The following WIF1 variants were observed in gnomAD, a reference collection of about 807,000 sequenced individuals.
The protein encoded by WIF1 is Wnt inhibitory factor 1.
A neutral mutation model predicts 53.5 loss-of-function variants in WIF1; 35 were observed. The observed-to-expected ratio is 0.65, with a 90% CI of 0.50 to 0.87. The LOEUF (loss-of-function observed/expected upper bound fraction) is 0.87, where lower values mean the gene tolerates loss of function less well. Among genes scored for constraint, WIF1 ranks in the 40% least tolerant of loss-of-function variants. The probability of loss-of-function intolerance (pLI) is 0.00; values close to 1 mark genes in which losing one functional copy is unlikely to be tolerated. For missense variants in WIF1, 467 were observed against 476.8 expected (o/e 0.98, Z 0.19); for synonymous variants, 171 against 170.4 (o/e 1.00, Z -0.03).
At chr12:65,064,063 T>C (rs560516552) in intron 6 of WIF1, among the ~76,000 whole-genome samples, 1 of 152,308 alleles carries the variant, frequency 6.6e-6, no homozygotes, top group Admixed American at 6.5e-5. Flanking sequence ...CAGTTGTTTT[T>C]GTAAGTGTGT....
chr12:65,098,374 A>G (rs1400887613), intron 2 of WIF1, among the ~76,000 whole-genome samples: 1 of 152,124 alleles, frequency 6.6e-6, no homozygotes, highest in African/African-American at 2.4e-5. Context: ...ATCACAACAC[A>G]TACCACTTTA....
chr12:65,059,799 C>T (rs1882583519), intron 7 of WIF1, among the ~76,000 whole-genome samples: 1 of 152,020 alleles, frequency 6.6e-6, no homozygotes, highest in Non-Finnish European at 1.5e-5. Flanking sequence ...CTACAGGTGT[C>T]TGCCACCATG....
chr12:65,105,087 C>A (rs1276434681), intron 2 of WIF1, among the ~76,000 whole-genome samples: 1 of 151,926 alleles, frequency 6.6e-6, no homozygotes, highest in Non-Finnish European at 1.5e-5. Context: ...AAGGAGAGAA[C>A]CAAGACCAGG....
intron 2 of WIF1, among the ~76,000 whole-genome samples, chr12:65,102,350 T>G (rs901330381): frequency 5.3e-5 from 8 of 152,136 alleles, no homozygotes; most frequent in Non-Finnish European, 8.8e-5. Flanking sequence ...GGAAAGCCCA[T>G]GGTGTAGTTC....
At chr12:65,095,147 C>T (rs181325573) in intron 2 of WIF1, among the ~76,000 whole-genome samples, 1 of 150,962 alleles carries the variant, frequency 6.6e-6, no homozygotes, top group African/African-American at 2.4e-5. Context: ...ACTATGTTGC[C>T]CAAGCTGGTC....
At chr12:65,075,290 T>G (rs573017202) in intron 3 of WIF1, among the ~76,000 whole-genome samples, 12 of 152,244 alleles carry the variant, frequency 7.9e-5, no homozygotes, top group African/African-American at 2.9e-4. Context: ...TAGATAACCG[T>G]AATCTGAAAA....
chr12:65,061,636 G>A (rs1033619026), intron 7 of WIF1, among the ~76,000 whole-genome samples: 31 of 152,192 alleles, frequency 2.0e-4, no homozygotes, highest in Admixed American at 1.4e-3. Context: ...TATTGATTCC[G>A]AAAACAATGA....
In WIF1 at chr12:65,095,277, T is replaced by C. The variant is rs546152453; in HGVS notation, c.289-17423A>G. Among the ~76,000 whole-genome samples the C allele has an allele frequency of 6.6e-4, 100 of 152,038 alleles. 1 individual carries two copies. The highest frequency in any genetic ancestry group is 1.3e-4 in the Non-Finnish European group (9 of 68,002). ...TTTATTTTGGAACATATTTGAAAGT[T>C]GCCAAAGCCACTTCTGAGCAAATTT... is the stretch of plus-strand genomic sequence containing the variant. On this transcript the variant is annotated intron_variant, in intron 2 of 9. Transcript: ENST00000286574.
chr12:65,099,508 C>T (rs911890748), intron 2 of WIF1, among the ~76,000 whole-genome samples: 18 of 152,254 alleles, frequency 1.2e-4, no homozygotes, highest in Non-Finnish European at 2.1e-4. Context: ...CTCCCCAACC[C>T]GCCACCTTGA....
chr12:65,106,790 T>C (rs906431719), intron 2 of WIF1, among the ~76,000 whole-genome samples: 6 of 152,248 alleles, frequency 3.9e-5, no homozygotes, highest in African/African-American at 7.2e-5. Flanking sequence ...CTTCCAACTC[T>C]GCTCTTCTGT....
chr12:65,062,850 T>C (rs1882634198), intron 6 of WIF1, among the ~76,000 whole-genome samples: 1 of 152,126 alleles, frequency 6.6e-6, no homozygotes, highest in South Asian at 2.1e-4. Flanking sequence ...AAAAATTAGC[T>C]TTTTAATTTT....
intron 2 of WIF1, among the ~76,000 whole-genome samples, chr12:65,100,966 A>T (rs1883273920): frequency 6.6e-6 from 1 of 152,180 alleles, no homozygotes; most frequent in African/African-American, 2.4e-5. Flanking sequence ...CCTTAAGCAA[A>T]AAACAAACAA....
chr12:65,118,706 T>A (rs1045515132), intron 2 of WIF1, among the ~76,000 whole-genome samples: 2 of 152,252 alleles, frequency 1.3e-5, no homozygotes, highest in African/African-American at 4.8e-5. Flanking sequence ...TTGTATGACA[T>A]GTCAGTCCAT....
chr12:65,068,925 G>A, intron 3 of WIF1, 21 bp from the exon 4 acceptor site: 2 of 1,609,326 alleles, frequency 1.2e-6, no homozygotes, highest in Non-Finnish European at 1.7e-6. Context: ...AAAAGAGAAA[G>A]TGTGGAGAAA....
At chr12:65,079,625 CA>C (rs56249618) in intron 2 of WIF1, among the ~76,000 whole-genome samples, 5,792 of 67,114 alleles carry the variant, frequency 0.086, 194 homozygotes, top group African/African-American at 0.19. Context: ...GACTCTGTCT[CA>C]AAAAAAAAAA....
At position 65,121,177 on chromosome 12, in the gene WIF1, G is replaced by C; in HGVS notation, c.15C>G (p.Ser5Arg). Residue 5 changes from serine (S) to arginine (R), a missense_variant, in exon 1 of 10, where the codon AGC becomes AGG. Ser to Arg is a moderately radical substitution (Grantham distance 110). Coordinates refer to ENST00000286574, the MANE Select transcript of WIF1 (RefSeq NM_007191.5). MARRSAFPAAALWLW... is the reference protein window; with the variant it reads MARRRAFPAAALWLW... ...GCCAGAGCGCGGCGGCAGGGAAGGC[G>C]CTCCTCCGGGCCATGCTGCTCAGGA... The C allele has an allele frequency of 1.3e-6, 2 of 1,539,534 alleles. No individual in the cohort carries two copies. Among genetic ancestry groups the C allele is most frequent in the Middle Eastern group, 2.0e-4 (1 of 5,028 alleles).
At chr12:65,112,450 A>ACC (rs1883447516) in intron 2 of WIF1, among the ~76,000 whole-genome samples, 1 of 148,342 alleles carries the variant, frequency 6.7e-6, no homozygotes, top group South Asian at 2.1e-4. Context: ...ACACACACAC[A>ACC]CCATCCTGGA....
At chr12:65,103,629 T>C (rs1043234324) in intron 2 of WIF1, among the ~76,000 whole-genome samples, 2 of 152,226 alleles carry the variant, frequency 1.3e-5, no homozygotes, top group Admixed American at 6.5e-5. Flanking sequence ...ATTTGATATA[T>C]ATAGGACTCT....
intron 3 of WIF1, 137 bp downstream of exon 3, chr12:65,077,609 T>A (rs762996434): frequency 3.1e-6 from 2 of 641,298 alleles, no homozygotes; most frequent in East Asian, 5.7e-5. Flanking sequence ...AGAATAACAG[T>A]CAAACTGTCC....
Sources: allele counts gnomAD v4.1 joint callset (sites outside exome capture counted in the v4.1 genomes callset), GRCh38; gene constraint gnomAD v4.1.1; transcripts MANE v1.5; gene names NCBI Gene and HGNC (gene_info 2026-07-23, HGNC 2026-07-21).